Variants in MAF observed in about 807,000 individuals in gnomAD.
MAF encodes MAF bZIP transcription factor.
MAF carries 10 observed loss-of-function variants against 22.0 expected under a neutral mutation model. That is an observed-to-expected ratio of 0.45 (90% CI 0.28 to 0.77). The LOEUF (loss-of-function observed/expected upper bound fraction) is 0.77, where lower values mean the gene tolerates loss of function less well. Ranked by LOEUF, MAF falls within the 30% of genes least tolerant of loss-of-function variation. MAF has a pLI of 0.12. For synonymous variants in MAF, 337 were observed against 255.8 expected (o/e 1.32, Z -3.03); for missense variants, 544 against 548.4 (o/e 0.99, Z 0.08).
chr16:79,243,550 G>C, the MAF span, among the ~76,000 whole-genome samples: 1 of 151,916 alleles, frequency 6.6e-6, no homozygotes, highest in East Asian at 1.9e-4. Context: ...CCAATAACAA[G>C]TTCTGAAAAT....
the MAF span, among the ~76,000 whole-genome samples, chr16:79,408,287 C>T: frequency 6.6e-6 from 1 of 152,144 alleles, no homozygotes; most frequent in Non-Finnish European, 1.5e-5. Context: ...AGAAATTCTC[C>T]TGCCTCAGCC....
the MAF span, among the ~76,000 whole-genome samples, chr16:79,276,208 T>C: frequency 6.7e-6 from 1 of 150,022 alleles, no homozygotes; most frequent in Non-Finnish European, 1.5e-5. Flanking sequence ...CACCCTGGAG[T>C]TTTTCTGCCA....
the MAF span, among the ~76,000 whole-genome samples, chr16:79,219,423 C>A: frequency 6.6e-6 from 1 of 151,920 alleles, no homozygotes; most frequent in Non-Finnish European, 1.5e-5. Context: ...AGGTGGCGGG[C>A]GCCTGTAGTC....
At chr16:79,236,369 C>T in the MAF span, among the ~76,000 whole-genome samples, 10 of 151,928 alleles carry the variant, frequency 6.6e-5, no homozygotes, top group South Asian at 4.1e-4. Context: ...AGCTCCTGTA[C>T]GTCCTCCAAG....
chr16:79,544,662 T>C, the MAF span, among the ~76,000 whole-genome samples: 4 of 150,734 alleles, frequency 2.7e-5, no homozygotes, highest in African/African-American at 9.8e-5. Context: ...TAGTCCCAGC[T>C]ACTCGGGAGG....
chr16:79,451,865 A>C, the MAF span, among the ~76,000 whole-genome samples: 1 of 152,224 alleles, frequency 6.6e-6, no homozygotes, highest in African/African-American at 2.4e-5. Flanking sequence ...CTCAGAAGCC[A>C]TACAACTATA....
chr16:79,412,223 G>A, the MAF span, among the ~76,000 whole-genome samples: 2 of 152,198 alleles, frequency 1.3e-5, no homozygotes, highest in African/African-American at 2.4e-5. Context: ...CTGATGTCAA[G>A]AGCACAAGTT....
At chr16:79,237,050 C>G in the MAF span, among the ~76,000 whole-genome samples, 40 of 151,998 alleles carry the variant, frequency 2.6e-4, no homozygotes, top group East Asian at 6.9e-3. Context: ...CTTGGATTGC[C>G]AGAGTGTGCC....
the MAF span, among the ~76,000 whole-genome samples, chr16:79,468,934 T>C: frequency 1.3e-5 from 2 of 152,126 alleles, no homozygotes; most frequent in Non-Finnish European, 2.9e-5. Flanking sequence ...AATCGTGGGC[T>C]CACACTTCCT....
the MAF span, among the ~76,000 whole-genome samples, chr16:79,363,652 G>C: frequency 6.6e-6 from 1 of 152,198 alleles, no homozygotes; most frequent in East Asian, 1.9e-4. Flanking sequence ...ACAATACAAC[G>C]AAATTGGTAC....
At chr16:79,276,336 C>T in the MAF span, among the ~76,000 whole-genome samples, 3 of 152,028 alleles carry the variant, frequency 2.0e-5, no homozygotes, top group South Asian at 6.2e-4. Flanking sequence ...CTCGGGGTCC[C>T]CAGCACAGAT....
At chr16:79,581,823 T>G (rs558689044), downstream of MAF, among the ~76,000 whole-genome samples, 1 of 152,338 alleles carries the variant, frequency 6.6e-6, no homozygotes, top group South Asian at 2.1e-4. Context: ...TACGTGTTAA[T>G]GTCATTCCGC....
chr16:79,454,035 T>C, the MAF span, among the ~76,000 whole-genome samples: 477 of 152,334 alleles, frequency 3.1e-3, 3 homozygotes, highest in African/African-American at 0.011. Flanking sequence ...ATTCTACAAC[T>C]GGCCAACTCC....
At chr16:79,207,215 G>T in the MAF span, among the ~76,000 whole-genome samples, 1 of 152,308 alleles carries the variant, frequency 6.6e-6, no homozygotes, top group South Asian at 2.1e-4. Context: ...GTTCCTAGTG[G>T]TGTATTCACA....
chr16:79,386,349 A>G, the MAF span, among the ~76,000 whole-genome samples: 1 of 152,200 alleles, frequency 6.6e-6, no homozygotes, highest in South Asian at 2.1e-4. Flanking sequence ...ATCATCAGGC[A>G]TTAGATTCTC....
rs879696972 is a variant in MAF at position 79,600,166 on chromosome 16, G to C, written c.-264C>G. On this transcript the variant is annotated 5_prime_UTR_variant, in exon 1 of 2. Transcript: ENST00000326043. ...CGCTCGCCCCGGCCCCTCCTTGCTC[G>C]CTCGCCTCCTTGCGCGCCGAGCCGG... 1,009 of 413,344 alleles carry C rather than the reference G, an allele frequency of 2.4e-3. 4 individuals are homozygous for C. Among genetic ancestry groups the C allele is most frequent in the Non-Finnish European group, 2.8e-3 (650 of 234,236 alleles). The allele number at this position is 413,344 out of a possible 1,614,324, so 25.6% of individuals were successfully genotyped here. A position where few individuals can be genotyped will look rare whatever the true frequency, so the allele number is the denominator to read the frequency against.
At chr16:79,282,057 C>A in the MAF span, among the ~76,000 whole-genome samples, 1 of 152,086 alleles carries the variant, frequency 6.6e-6, no homozygotes, top group South Asian at 2.1e-4. Flanking sequence ...AATACCATCA[C>A]TATGGGAGGC....
At chr16:79,456,846 A>G in the MAF span, among the ~76,000 whole-genome samples, 1 of 151,960 alleles carries the variant, frequency 6.6e-6, no homozygotes, top group Non-Finnish European at 1.5e-5. Context: ...ATATGTAACA[A>G]CCCTATTTAT....
At chr16:79,455,018 C>G in the MAF span, among the ~76,000 whole-genome samples, 30 of 151,834 alleles carry the variant, frequency 2.0e-4, no homozygotes, top group Non-Finnish European at 4.1e-4. Context: ...ATCACTTGGA[C>G]CCGGGAGGTG....
Sources: gnomAD v4.1 joint callset for allele counts (sites outside exome capture counted in the v4.1 genomes callset) on GRCh38, gnomAD v4.1.1 for gene constraint, MANE v1.5 for transcripts, NCBI Gene and HGNC (gene_info 2026-07-23, HGNC 2026-07-21) for gene names.